Variants in UTP14C observed in about 807,000 individuals in gnomAD.
UTP14C encodes the protein U3 small nucleolar RNA-associated protein 14 homolog C.
Under a neutral mutation model 14.6 loss-of-function variants are expected in UTP14C, and 10 were observed. The ratio of observed to expected loss-of-function variants is 0.68; its 90% CI spans 0.42 to 1.16. The LOEUF (loss-of-function observed/expected upper bound fraction) is 1.16. Ranked by LOEUF, UTP14C falls within the 50% of genes most tolerant of loss-of-function variation. The pLI is 0.00. For missense variants in UTP14C, 818 were observed against 890.8 expected (o/e 0.92, Z 1.04); for synonymous variants, 315 against 331.6 (o/e 0.95, Z 0.54).
rs891276611 is a variant in UTP14C at position 52,024,738 on chromosome 13, G to A, written c.-686G>A. ...AGAAGATGGTTGAGTCACCTCCTTCGCTTAAACTTGTCCTCATTGGAGGTT... is the reference window on the plus strand; with the variant it reads ...AGAAGATGGTTGAGTCACCTCCTTCACTTAAACTTGTCCTCATTGGAGGTT... On this transcript the variant is annotated 5_prime_UTR_variant, in exon 1 of 2. Transcript: ENST00000521776. 5 of 1,614,082 alleles carry A rather than the reference G, an allele frequency of 3.1e-6. No homozygotes were observed. Among genetic ancestry groups the A allele is most frequent in the African/African-American group, 2.7e-5 (2 of 74,922 alleles).
At position 52,033,479 on chromosome 13, in the gene UTP14C, C is replaced by T. The variant is rs1006807538; in HGVS notation, c.*2374C>T. On this transcript the variant is annotated 3_prime_UTR_variant, in exon 2 of 2. Transcript: ENST00000521776. The stretch of plus-strand genomic sequence containing the variant: ...ATTTTTCATTCTCTTGGATTCTTTC[C>T]AGTGTGGTGCCTTTTATATGCCTCA... 4.8e-5 allele frequency: 8 copies of T among 166,930 alleles called. No homozygotes were observed. The Admixed American group carries it at 5.2e-4, about 11-fold the overall frequency. 10.3% of individuals were successfully genotyped at this position (166,930 alleles called of 1,614,324 possible). A position where few individuals can be genotyped will look rare whatever the true frequency, so the allele number is the denominator to read the frequency against.
In UTP14C at chr13:52,030,862, T is replaced by C; in HGVS notation, c.2058T>C (p.Tyr686=). ...CTCATCAGGTACAAGTGCTTCCATATCCATTTACCCACCATCGGCAATTTG... is the reference window on the plus strand; with the variant it reads ...CTCATCAGGTACAAGTGCTTCCATACCCATTTACCCACCATCGGCAATTTG... ...AAAHQVQVLP[Y]PFTHHRQFER... The change falls in exon 2 of 2, where the codon TAT becomes TAC. Residue 686 remains tyrosine (Y), a synonymous_variant. Transcript: ENST00000521776. The C allele has an allele frequency of 6.2e-7, 1 of 1,614,060 alleles. No individual in the cohort carries two copies. Among genetic ancestry groups the C allele is most frequent in the South Asian group, 1.1e-5 (1 of 91,076 alleles).
rs1293857263 is a variant in UTP14C at position 52,024,745 on chromosome 13, C to G, written c.-679C>G. Reference sequence around the variant, plus strand: ...GGTTGAGTCACCTCCTTCGCTTAAACTTGTCCTCATTGGAGGTTGTCGTAA... The same window carrying G: ...GGTTGAGTCACCTCCTTCGCTTAAAGTTGTCCTCATTGGAGGTTGTCGTAA... On this transcript the variant is annotated 5_prime_UTR_variant, in exon 1 of 2. Transcript: ENST00000521776. 8 of 1,614,100 alleles carry G rather than the reference C, an allele frequency of 5.0e-6. No homozygotes were observed. In the Admixed American group the frequency reaches 6.7e-5, roughly 13 times the overall value.
intron 1 of UTP14C, among the ~76,000 whole-genome samples, chr13:52,025,352 A>G (rs2140841443): frequency 6.6e-6 from 1 of 152,270 alleles, no homozygotes; most frequent in Non-Finnish European, 1.5e-5. Flanking sequence ...TTCTCTCTCC[A>G]TCTAACCCCA....
At position 52,029,381 on chromosome 13, in the gene UTP14C, A is replaced by G. The variant is rs1193277138; in HGVS notation, c.577A>G (p.Lys193Glu). 3.1e-6 allele frequency: 5 copies of G among 1,614,132 alleles called. No individual in the cohort carries two copies. Among genetic ancestry groups the G allele is most frequent in the Admixed American group, 1.7e-5 (1 of 60,024 alleles). ...LEQEIFNLLH[K>E]NKQPVTDPLL... ...GCAGGAAATTTTTAACCTCCTCCAT[A>G]AGAACAAGCAGCCAGTGACAGATCC... Residue 193 changes from lysine to glutamate, a missense_variant, in exon 2 of 2, where the codon AAG becomes GAG. Lys to Glu is a moderately conservative substitution (Grantham distance 56). Coordinates refer to ENST00000521776, the MANE Select transcript of UTP14C (RefSeq NM_021645.6).
In UTP14C at chr13:52,029,320, T is replaced by C. The variant is rs372860533; in HGVS notation, c.516T>C (p.His172=). The change falls in exon 2 of 2, where the codon CAT becomes CAC. Residue 172 remains histidine (H), a synonymous_variant. Coordinates refer to ENST00000521776, the MANE Select transcript of UTP14C (RefSeq NM_021645.6). Reference sequence around the variant, plus strand: ...AGCCAGCCATTGCTCCCATTGAACATGCGCTCAGTGGCTGGAAGGCAAGAA... The same window carrying C: ...AGCCAGCCATTGCTCCCATTGAACACGCGCTCAGTGGCTGGAAGGCAAGAA... ...KEQPAIAPIE[H]ALSGWKARTP... 29 of 1,614,030 alleles carry C rather than the reference T, an allele frequency of 1.8e-5. No individual in the cohort carries two copies. The highest frequency in any genetic ancestry group is 2.4e-5 in the Non-Finnish European group (28 of 1,180,032).
At position 52,028,869 on chromosome 13, in the gene UTP14C, C is replaced by A. The variant is rs1318825286; in HGVS notation, c.65C>A (p.Pro22Gln). ...CACCAGGAAGAACTAGTGGATTTGCCAAAAAACTACCCCTTGAGTGAAAAT... is the reference window on the plus strand; with the variant it reads ...CACCAGGAAGAACTAGTGGATTTGCAAAAAAACTACCCCTTGAGTGAAAAT... Reference protein sequence around the residue: ...LSHQEELVDLPKNYPLSENED... With the variant: ...LSHQEELVDLQKNYPLSENED... Residue 22 changes from proline (P) to glutamine (Q), a missense_variant, in exon 2 of 2, where the codon CCA (proline) becomes CAA (glutamine). Coordinates refer to ENST00000521776, the MANE Select transcript of UTP14C (RefSeq NM_021645.6). 5.6e-6 allele frequency: 9 copies of A among 1,614,002 alleles called. No individual in the cohort carries two copies. Among genetic ancestry groups the A allele is most frequent in the Non-Finnish European group, 7.6e-6 (9 of 1,180,038 alleles).
Position 52,032,813 on chromosome 13 carries a change from A to C in UTP14C, c.*1708A>C. ...TCTCTTATTTTCAGCTTTACAGACAAGAACAATTTAAATCTAAAGAATTTA... is the reference window on the plus strand; with the variant it reads ...TCTCTTATTTTCAGCTTTACAGACACGAACAATTTAAATCTAAAGAATTTA... On this transcript the variant is annotated 3_prime_UTR_variant, in exon 2 of 2. Transcript: ENST00000521776. 1.8e-5 allele frequency: 3 copies of C among 167,238 alleles called. No homozygotes were observed. 10.4% of individuals were successfully genotyped at this position (167,238 alleles called of 1,614,324 possible).
chr13:52,024,952 TA>T lies in UTP14C; in HGVS notation c.-487+18del, dbSNP rs1360373375. The T allele has an allele frequency of 6.2e-7, 1 of 1,602,718 alleles. No homozygotes were observed. On this transcript the variant is annotated intron_variant, in intron 1 of 1. Transcript: ENST00000521776. The stretch of plus-strand genomic sequence containing the variant: ...TTTTGGGATTGGTGAGTTTGGCCTT[TA>T]AACAACTTGTTTGGTGCCATGAGAT...
chr13:52,028,094 T>TAAAAAA (rs142915895), intron 1 of UTP14C, among the ~76,000 whole-genome samples: 1 of 144,240 alleles, frequency 6.9e-6, no homozygotes. Context: ...CCCTATCTCT[T>TAAAAAA]AAAAAAAAAA....
chr13:52,030,122 C>T lies in UTP14C; in HGVS notation c.1318C>T (p.Pro440Ser), dbSNP rs1387952826. 1.9e-6 allele frequency: 3 copies of T among 1,614,170 alleles called. No individual in the cohort carries two copies. The highest frequency in any genetic ancestry group is 2.5e-6 in the Non-Finnish European group (3 of 1,180,034). The change falls in exon 2 of 2, where the codon CCA (proline) becomes TCA (serine). Residue 440 changes from proline (P) to serine (S), a missense_variant. Coordinates refer to ENST00000521776, the MANE Select transcript of UTP14C (RefSeq NM_021645.6). ...KRSELNQDAEPASSQETKDSS... is the reference protein window; with the variant it reads ...KRSELNQDAESASSQETKDSS... ...ATCTGAGCTCAACCAGGATGCTGAG[C>T]CAGCAAGCAGTCAAGAAACAAAAGA...
Position 52,031,361 on chromosome 13 carries a change from G to A in UTP14C, c.*256G>A, listed in dbSNP as rs996804261. The A allele has an allele frequency of 1.2e-5, 6 of 497,504 alleles. No homozygotes were observed. Among genetic ancestry groups the A allele is most frequent in the Non-Finnish European group, 2.1e-5 (6 of 285,874 alleles). 30.8% of individuals were successfully genotyped at this position (497,504 alleles called of 1,614,324 possible). ...GATGACCCTTTTGAATATACCTAAT[G>A]ATTTCCTTAAAAAAGAAATTTTAAA... On this transcript the variant is annotated 3_prime_UTR_variant, in exon 2 of 2. Coordinates refer to ENST00000521776, the MANE Select transcript of UTP14C (RefSeq NM_021645.6).
chr13:52,027,309 A>G (rs891068151), intron 1 of UTP14C, among the ~76,000 whole-genome samples: 1 of 152,132 alleles, frequency 6.6e-6, no homozygotes, highest in Non-Finnish European at 1.5e-5. Context: ...GAGAAAGGGC[A>G]TGTGGTGCCC....
In UTP14C at chr13:52,028,856, C is replaced by G; in HGVS notation, c.52C>G (p.Leu18Val). 6.2e-7 allele frequency: 1 copy of G among 1,614,174 alleles called. No homozygotes were observed. Among genetic ancestry groups the G allele is most frequent in the Non-Finnish European group, 8.5e-7 (1 of 1,180,040 alleles). The stretch of plus-strand genomic sequence containing the variant: ...TCTGGCTTTGAGCCACCAGGAAGAA[C>G]TAGTGGATTTGCCAAAAAACTACCC... ...ENLALSHQEE[L>V]VDLPKNYPLS... The change falls in exon 2 of 2, where the codon CTA (leucine) becomes GTA (valine). Residue 18 changes from leucine (L) to valine (V), a missense_variant. Coordinates refer to ENST00000521776, the MANE Select transcript of UTP14C (RefSeq NM_021645.6).
Position 52,028,834 on chromosome 13 carries a change from G to A in UTP14C, c.30G>A (p.Leu10=). 2 of 1,614,230 alleles carry A rather than the reference G, an allele frequency of 1.2e-6. No homozygotes were observed. The highest frequency in any genetic ancestry group is 1.7e-6 in the Non-Finnish European group (2 of 1,180,038). ...ATGTGAACCAGGTTGCAGAGAATCT[G>A]GCTTTGAGCCACCAGGAAGAACTAG... The part of the protein sequence containing the change: MNVNQVAEN[L]ALSHQEELVD... The change falls in exon 2 of 2, where the codon CTG becomes CTA. Residue 10 remains leucine (L), a synonymous_variant. Transcript: ENST00000521776.
At position 52,029,677 on chromosome 13, in the gene UTP14C, G is replaced by T; in HGVS notation, c.873G>T (p.Met291Ile). Reference sequence around the variant, plus strand: ...AAAAAATTGAAAATGCCAGAATGATGGAAAGAATGAGCCTTAAGCACCAAA... The same window carrying T: ...AAAAAATTGAAAATGCCAGAATGATTGAAAGAATGAGCCTTAAGCACCAAA... ...EMEKIENARM[M>I]ERMSLKHQNS... Residue 291 changes from methionine (M) to isoleucine (I), a missense_variant, in exon 2 of 2, where the codon ATG (methionine) becomes ATT (isoleucine). Transcript: ENST00000521776. 3 of 1,614,214 alleles carry T rather than the reference G, an allele frequency of 1.9e-6. No individual in the cohort carries two copies. Among genetic ancestry groups the T allele is most frequent in the Non-Finnish European group, 2.5e-6 (3 of 1,180,046 alleles).
chr13:52,029,003 A>G lies in UTP14C; in HGVS notation c.199A>G (p.Ser67Gly). 6.2e-7 allele frequency: 1 copy of G among 1,614,270 alleles called. No homozygotes were observed. Among genetic ancestry groups the G allele is most frequent in the Admixed American group, 1.7e-5 (1 of 60,034 alleles). ...GAAATTGGCTGAGAGGTCTGAGGCT[A>G]GTCTGAAAGTGTCAGAGTTCAGTGT... is the stretch of plus-strand genomic sequence containing the variant. ...RRKLAERSEASLKVSEFSVSS... is the reference protein window; with the variant it reads ...RRKLAERSEAGLKVSEFSVSS... Residue 67 changes from serine to glycine, a missense_variant, in exon 2 of 2, where the codon AGT becomes GGT. Coordinates refer to ENST00000521776, the MANE Select transcript of UTP14C (RefSeq NM_021645.6).
At chr13:52,025,578 T>C (rs781535839) in intron 1 of UTP14C, among the ~76,000 whole-genome samples, 1 of 152,252 alleles carries the variant, frequency 6.6e-6, no homozygotes, top group Non-Finnish European at 1.5e-5. Context: ...TTGGAATGGC[T>C]CTCCTCTTTG....
Position 52,024,890 on chromosome 13 carries a change from A to C in UTP14C, c.-534A>C, listed in dbSNP as rs115524395. The C allele has an allele frequency of 7.9e-5, 127 of 1,613,206 alleles. No individual in the cohort carries two copies. The African/African-American group carries it at 1.6e-3, about 20-fold the overall frequency. ...GATGAATTAAAGAATTATTTGTCTG[A>C]AGCAACAATTGGTCTGCATACCATG... On this transcript the variant is annotated 5_prime_UTR_variant, in exon 1 of 2. Transcript: ENST00000521776.
Sources: gnomAD v4.1 joint callset for allele counts (sites outside exome capture counted in the v4.1 genomes callset) on GRCh38, gnomAD v4.1.1 for gene constraint, MANE v1.5 for transcripts, NCBI Gene and HGNC (gene_info 2026-07-23, HGNC 2026-07-21) for gene names.